Variants in COMMD10 observed in about 807,000 individuals in gnomAD.
COMMD10 encodes the protein COMM domain-containing protein 10.
A neutral mutation model predicts 28.9 loss-of-function variants in COMMD10; 33 were observed. The ratio of observed to expected loss-of-function variants is 1.14; its 90% CI spans 0.87 to 1.53. The LOEUF is 1.53. COMMD10 is among the 40% of genes most tolerant of loss of function. The pLI, the probability that COMMD10 is intolerant of heterozygous loss-of-function variation, is 0.00. For synonymous variants in COMMD10, 110 were observed against 81.7 expected (o/e 1.35, Z -1.87); for missense variants, 310 against 233.4 (o/e 1.33, Z -2.14).
chr5:116,264,286 A>G (rs1010436546), intron 5 of COMMD10, among the ~76,000 whole-genome samples: 1 of 151,846 alleles, frequency 6.6e-6, no homozygotes, highest in Non-Finnish European at 1.5e-5. Flanking sequence ...ACTGTAATTC[A>G]GGTCAAATTT....
At chr5:116,141,891 T>G (rs1752207618) in intron 5 of COMMD10, among the ~76,000 whole-genome samples, 2 of 151,892 alleles carry the variant, frequency 1.3e-5, no homozygotes, top group Non-Finnish European at 2.9e-5. Flanking sequence ...TTTCTTTAAA[T>G]GTAGGATAAT....
chr5:116,155,094 T>C (rs1272560365), intron 5 of COMMD10, among the ~76,000 whole-genome samples: 1 of 152,164 alleles, frequency 6.6e-6, no homozygotes, highest in African/African-American at 2.4e-5. Context: ...TGGAAACATA[T>C]GAGACCTTGG....
intron 5 of COMMD10, among the ~76,000 whole-genome samples, chr5:116,254,277 T>G (rs1041589061): frequency 3.9e-5 from 6 of 152,074 alleles, no homozygotes; most frequent in Non-Finnish European, 7.4e-5. Context: ...TTTTGAAGGT[T>G]TTTTTGTGTC....
chr5:116,101,368 C>A (rs986375140), intron 4 of COMMD10, among the ~76,000 whole-genome samples: 1 of 151,938 alleles, frequency 6.6e-6, no homozygotes, highest in African/African-American at 2.4e-5. Context: ...TAAGAGTTCT[C>A]TTTTCTCCAC....
chr5:116,227,580 C>T (rs1749425196), intron 5 of COMMD10, among the ~76,000 whole-genome samples: 1 of 152,054 alleles, frequency 6.6e-6, no homozygotes, highest in Non-Finnish European at 1.5e-5. Flanking sequence ...TCCACTATTA[C>T]CTGTGGGGGT....
intron 5 of COMMD10, among the ~76,000 whole-genome samples, chr5:116,262,272 T>C (rs1188700963): frequency 6.6e-6 from 1 of 151,752 alleles, no homozygotes; most frequent in African/African-American, 2.4e-5. Context: ...TCAAAACTGC[T>C]GAAGTATCAG....
At chr5:116,230,051 T>G (rs1008056429) in intron 5 of COMMD10, among the ~76,000 whole-genome samples, 2 of 151,982 alleles carry the variant, frequency 1.3e-5, no homozygotes, top group African/African-American at 4.8e-5. Context: ...TCACTATTGA[T>G]TCTTTGCCTC....
At chr5:116,155,446 G>T (rs559943865) in intron 5 of COMMD10, among the ~76,000 whole-genome samples, 1 of 151,998 alleles carries the variant, frequency 6.6e-6, no homozygotes, top group East Asian at 1.9e-4. Flanking sequence ...ACTGATTTTA[G>T]CATCAGAGGC....
Position 116,197,227 on chromosome 5 carries a change from T to A in COMMD10, c.510+63049T>A, listed in dbSNP as rs557023298. 2.1e-3 allele frequency among the ~76,000 whole-genome samples: 323 copies of A among 152,304 alleles called. 1 individual carries two copies. Among genetic ancestry groups the A allele is most frequent in the Non-Finnish European group, 3.7e-3 (251 of 68,028 alleles). On this transcript the variant is annotated intron_variant, in intron 5 of 6. Coordinates refer to ENST00000274458, the MANE Select transcript of COMMD10 (RefSeq NM_016144.4). ...TCATTTCATTCATTCAGCATCCATTTGGTGGTAGTGTGCTTTGAAGACTTA... is the reference window on the plus strand; with the variant it reads ...TCATTTCATTCATTCAGCATCCATTAGGTGGTAGTGTGCTTTGAAGACTTA...
chr5:116,161,920 T>A (rs1752931277), intron 5 of COMMD10, among the ~76,000 whole-genome samples: 1 of 152,184 alleles, frequency 6.6e-6, no homozygotes, highest in East Asian at 1.9e-4. Context: ...TAAATCATCT[T>A]CTGAAAATAT....
At chr5:116,212,496 C>A (rs1337179806) in intron 5 of COMMD10, among the ~76,000 whole-genome samples, 1 of 63,798 alleles carries the variant, frequency 1.6e-5, no homozygotes. Context: ...TACTGAAATG[C>A]TGTGTGTGTG....
At chr5:116,143,284 A>C (rs1752250115) in intron 5 of COMMD10, among the ~76,000 whole-genome samples, 1 of 151,650 alleles carries the variant, frequency 6.6e-6, no homozygotes, top group African/African-American at 2.4e-5. Context: ...TTATAAGCTA[A>C]CAAAAATACT....
chr5:116,121,896 G>T (rs1032959469), intron 4 of COMMD10, among the ~76,000 whole-genome samples: 4 of 152,128 alleles, frequency 2.6e-5, no homozygotes, highest in Non-Finnish European at 5.9e-5. Context: ...GTTTTCAGAT[G>T]GGTAGATTGC....
At chr5:116,128,310 G>A (rs983085103) in intron 4 of COMMD10, among the ~76,000 whole-genome samples, 1 of 151,960 alleles carries the variant, frequency 6.6e-6, no homozygotes, top group African/African-American at 2.4e-5. Context: ...TAACTACTGT[G>A]TTAACAGTTT....
chr5:116,110,290 C>T (rs1436184146), intron 4 of COMMD10, among the ~76,000 whole-genome samples: 2 of 152,046 alleles, frequency 1.3e-5, no homozygotes, highest in African/African-American at 4.8e-5. Flanking sequence ...TTGTTTAGGA[C>T]TGTTGTGTCT....
intron 5 of COMMD10, among the ~76,000 whole-genome samples, chr5:116,255,439 G>C (rs1750255223): frequency 2.0e-5 from 3 of 151,638 alleles, no homozygotes; most frequent in African/African-American, 7.3e-5. Flanking sequence ...GCTGGTACTG[G>C]TTGTTCCTTT....
At chr5:116,265,249 CT>C (rs943890570) in intron 5 of COMMD10, among the ~76,000 whole-genome samples, 3 of 151,466 alleles carry the variant, frequency 2.0e-5, no homozygotes, top group African/African-American at 4.9e-5. Flanking sequence ...TGCATATTGA[CT>C]TTTTTTTCAC....
At chr5:116,141,495 TG>T (rs1220449063) in intron 5 of COMMD10, among the ~76,000 whole-genome samples, 1 of 151,918 alleles carries the variant, frequency 6.6e-6, no homozygotes, top group Non-Finnish European at 1.5e-5. Context: ...TATATTGCTA[TG>T]GGTAGTATGG....
At chr5:116,165,211 G>A (rs1331984822) in intron 5 of COMMD10, among the ~76,000 whole-genome samples, 3 of 152,160 alleles carry the variant, frequency 2.0e-5, no homozygotes, top group African/African-American at 7.2e-5. Flanking sequence ...ATGAGGGAGT[G>A]CCTATGGTGA....
Sources: gnomAD v4.1 joint callset for allele counts (sites outside exome capture counted in the v4.1 genomes callset) on GRCh38, gnomAD v4.1.1 for gene constraint, MANE v1.5 for transcripts, NCBI Gene and HGNC (gene_info 2026-07-23, HGNC 2026-07-21) for gene names.